FSHR: variants seen among roughly 807,000 people sequenced by gnomAD.
FSHR encodes follicle stimulating hormone receptor, also known as follicle-stimulating hormone receptor.
A neutral mutation model predicts 52.1 loss-of-function variants in FSHR; 46 were observed. The observed-to-expected ratio is 0.88, with a 90% CI of 0.70 to 1.13. The LOEUF (loss-of-function observed/expected upper bound fraction) is 1.13, where lower values mean the gene tolerates loss of function less well. Ranked by LOEUF, FSHR falls within the 50% of genes most tolerant of loss-of-function variation. The pLI, the probability that FSHR is intolerant of heterozygous loss-of-function variation, is 0.00. For missense variants in FSHR, 964 were observed against 834.6 expected, an observed-to-expected ratio of 1.16 and a Z score of -1.91; for synonymous variants, 399 against 309.6, an observed-to-expected ratio of 1.29 and a Z score of -3.03.
At position 49,127,873 on chromosome 2, in the gene FSHR, TCTTCTTCTTCTTCTTCTTCTTCTTC is replaced by T. The variant is rs1558456965; in HGVS notation, c.152+26368_152+26392del. The stretch of plus-strand genomic sequence containing the variant: ...TTCTTCTTCTTCTTCTTCTTCTTCT[TCTTCTTCTTCTTCTTCTTCTTCTTC>T]TTTTTTTTTTTTGAGACGGAGTCTT... On this transcript the variant is annotated intron_variant, in intron 1 of 9. Coordinates refer to ENST00000406846, the MANE Select transcript of FSHR (RefSeq NM_000145.4). Among the ~76,000 whole-genome samples the T allele has an allele frequency of 7.2e-3, 326 of 45,310 alleles. 36 individuals are homozygous for T. The highest frequency in any genetic ancestry group is 0.049 in the African/African-American group (304 of 6,144). The allele number at this position is 45,310 out of a possible 152,430, so 29.7% of individuals were successfully genotyped here. A position where few individuals can be genotyped will look rare whatever the true frequency, so the allele number is the denominator to read the frequency against.
At chr2:49,142,879 G>T (rs533974742) in intron 1 of FSHR, among the ~76,000 whole-genome samples, 1 of 152,254 alleles carries the variant, frequency 6.6e-6, no homozygotes, top group East Asian at 1.9e-4. Flanking sequence ...TGACATGTGC[G>T]TTTATACAGA....
intron 1 of FSHR, among the ~76,000 whole-genome samples, chr2:49,078,272 A>C (rs1354302561): frequency 4.0e-5 from 6 of 151,888 alleles, no homozygotes; most frequent in African/African-American, 9.7e-5. Context: ...GTGCAGGGGA[A>C]CTCCTCTTTT....
chr2:48,962,443 T>G lies in FSHR; in HGVS notation c.*290A>C. The G allele has an allele frequency of 2.6e-6, 1 of 381,396 alleles. No individual in the cohort carries two copies. Among genetic ancestry groups the G allele is most frequent in the Non-Finnish European group, 4.9e-6 (1 of 203,754 alleles). The allele number at this position is 381,396 out of a possible 1,614,324, so 23.6% of individuals were successfully genotyped here. On this transcript the variant is annotated 3_prime_UTR_variant, in exon 10 of 10. Coordinates refer to ENST00000406846, the MANE Select transcript of FSHR (RefSeq NM_000145.4). ...TCCTGCTTATTTAACAGGGATCACT[T>G]GAGATATCTGAACAAAAGCACTTTG...
At chr2:49,065,417 A>G (rs1277181488) in intron 2 of FSHR, among the ~76,000 whole-genome samples, 1 of 152,086 alleles carries the variant, frequency 6.6e-6, no homozygotes, top group Non-Finnish European at 1.5e-5. Context: ...TCTGAGAGGC[A>G]GTCAGTAGGA....
chr2:49,034,529 A>C (rs1668215188), intron 2 of FSHR, among the ~76,000 whole-genome samples: 1 of 152,198 alleles, frequency 6.6e-6, no homozygotes, highest in South Asian at 2.1e-4. Flanking sequence ...AGTTCTCCAA[A>C]TCTCAAGTGT....
At chr2:49,017,964 C>T (rs777377667) in intron 3 of FSHR, among the ~76,000 whole-genome samples, 4 of 149,722 alleles carry the variant, frequency 2.7e-5, no homozygotes, top group Non-Finnish European at 5.9e-5. Context: ...TTTGTCTGGT[C>T]GGGAGGCAAG....
chr2:49,064,734 C>T (rs1669441085), intron 2 of FSHR, among the ~76,000 whole-genome samples: 1 of 152,108 alleles, frequency 6.6e-6, no homozygotes, highest in Middle Eastern at 3.2e-3. Flanking sequence ...GACGTTTCTA[C>T]ATTGTGATCT....
At chr2:48,978,205 GC>G (rs1372729557) in intron 8 of FSHR, among the ~76,000 whole-genome samples, 5 of 152,182 alleles carry the variant, frequency 3.3e-5, no homozygotes, top group African/African-American at 1.2e-4. Context: ...AGCACTCTGT[GC>G]CCCATTTAAT....
chr2:49,000,182 T>C (rs13027529), intron 4 of FSHR, among the ~76,000 whole-genome samples: 79,591 of 151,904 alleles, frequency 0.52, 23,357 homozygotes, highest in Non-Finnish European at 0.66. Context: ...AGATTATAAC[T>C]AGGGGAGGTA....
At chr2:49,127,898 C>CTTCTTCTTCTTCTTTT (rs1558457105) in intron 1 of FSHR, among the ~76,000 whole-genome samples, 3 of 27,258 alleles carry the variant, frequency 1.1e-4, no homozygotes, top group African/African-American at 5.4e-4. Flanking sequence ...TCTTCTTCTT[C>CTTCTTCTTCTTCTTTT]TTTTTTTTTT....
At chr2:49,127,746 T>TC in intron 1 of FSHR, among the ~76,000 whole-genome samples, 1 of 113,006 alleles carries the variant, frequency 8.8e-6, no homozygotes, top group African/African-American at 3.3e-5. Flanking sequence ...GATTTCTTCT[T>TC]CTTCTTTCTT....
intron 1 of FSHR, among the ~76,000 whole-genome samples, chr2:49,125,949 G>C (rs180677758): frequency 4.3e-4 from 65 of 152,312 alleles, no homozygotes; most frequent in Admixed American, 1.7e-3. Flanking sequence ...AGGGCAAACT[G>C]TCCATAAATA....
At chr2:49,053,612 A>T (rs1668948736) in intron 2 of FSHR, among the ~76,000 whole-genome samples, 1 of 152,208 alleles carries the variant, frequency 6.6e-6, no homozygotes, top group Non-Finnish European at 1.5e-5. Flanking sequence ...GGTTTGAGAT[A>T]GTGATGCAGA....
intron 1 of FSHR, among the ~76,000 whole-genome samples, chr2:49,121,796 A>ATT (rs5831024): frequency 3.3e-5 from 5 of 150,438 alleles, no homozygotes; most frequent in South Asian, 2.1e-4. Context: ...AATAGCAAAG[A>ATT]TTTTTTTTTT....
chr2:48,995,359 G>C (rs925754290), intron 4 of FSHR, among the ~76,000 whole-genome samples: 2 of 152,092 alleles, frequency 1.3e-5, no homozygotes, highest in Non-Finnish European at 2.9e-5. Context: ...ATATGGGCTG[G>C]AGTAGCCAAG....
At chr2:49,098,723 A>T (rs185955963) in intron 1 of FSHR, among the ~76,000 whole-genome samples, 163 of 146,940 alleles carry the variant, frequency 1.1e-3, no homozygotes, top group African/African-American at 4.0e-3. Context: ...TATTATCCAT[A>T]TATTACCCAT....
At chr2:48,994,729 C>G (rs753072669) in intron 4 of FSHR, among the ~76,000 whole-genome samples, 1 of 152,136 alleles carries the variant, frequency 6.6e-6, no homozygotes, top group Non-Finnish European at 1.5e-5. Flanking sequence ...TTTTGATTCA[C>G]TCAACCATGG....
rs1673175632 is a variant in FSHR, at chr2:49,154,495, T to C, written c.-78A>G. On this transcript the variant is annotated 5_prime_UTR_variant, in exon 1 of 10. Coordinates refer to ENST00000406846, the MANE Select transcript of FSHR (RefSeq NM_000145.4). ...CACAGATCTCAGAAGCTCCACACAG[T>C]GCCCTTATGAGAAGAGATCTGACTT... is the stretch of plus-strand genomic sequence containing the variant. 6.9e-7 allele frequency: 1 copy of C among 1,450,772 alleles called. No individual in the cohort carries two copies. The highest frequency in any genetic ancestry group is 1.4e-5 in the African/African-American group (1 of 71,062). 89.9% of individuals were successfully genotyped at this position (1,450,772 alleles called of 1,614,324 possible). A position where few individuals can be genotyped will look rare whatever the true frequency, so the allele number is the denominator to read the frequency against.
rs115686241 is a variant in FSHR, at chr2:49,053,617, T to G, written c.224+14602A>C. ...AGAATAGGGAGGTTTGAGATAGTGA[T>G]GCAGATAAAAGCTAAGGCATGAACA... On this transcript the variant is annotated intron_variant, in intron 2 of 9. Coordinates refer to ENST00000406846, the MANE Select transcript of FSHR (RefSeq NM_000145.4). Among the ~76,000 whole-genome samples, 1,376 of 152,286 alleles carry G rather than the reference T, an allele frequency of 9.0e-3. 10 individuals carry two copies. Among genetic ancestry groups the G allele is most frequent in the Non-Finnish European group, 0.015 (997 of 68,026 alleles).
Sources: allele counts gnomAD v4.1 joint callset (sites outside exome capture counted in the v4.1 genomes callset), GRCh38; gene constraint gnomAD v4.1.1; transcripts MANE v1.5; gene names NCBI Gene and HGNC (gene_info 2026-07-23, HGNC 2026-07-21).